The following SSH2 variants were observed in gnomAD, a reference collection of about 807,000 sequenced individuals.
SSH2 encodes slingshot protein phosphatase 2.
Under a neutral mutation model 135.2 loss-of-function variants are expected in SSH2, and 37 were observed. The ratio of observed to expected loss-of-function variants is 0.27; its 90% CI spans 0.21 to 0.36. The LOEUF (loss-of-function observed/expected upper bound fraction) is 0.36, where lower values mean the gene tolerates loss of function less well. SSH2 is among the 10% of genes least tolerant of loss of function. The probability of loss-of-function intolerance (pLI) is 1.00; values close to 1 mark genes in which losing one functional copy is unlikely to be tolerated. For missense variants in SSH2, 1,408 were observed against 1,765.3 expected (o/e 0.80, Z 3.63); for synonymous variants, 628 against 646.2 (o/e 0.97, Z 0.43).
chr17:29,676,542 C>A, intron 8 of SSH2: 2 of 324,936 alleles, frequency 6.2e-6, no homozygotes, highest in East Asian at 6.8e-5. Flanking sequence ...CCTAATAAAA[C>A]TCGGTATCAA....
At chr17:29,849,333 GCCGGGTGT>G (rs1241369775) in intron 1 of SSH2, among the ~76,000 whole-genome samples, 1 of 152,082 alleles carries the variant, frequency 6.6e-6, no homozygotes, top group African/African-American at 2.4e-5. Context: ...GAAAAAATTA[GCCGGGTGT>G]GGTGGCCGGT....
intron 1 of SSH2, among the ~76,000 whole-genome samples, chr17:29,894,524 AATACT>A (rs2066406773): frequency 6.6e-6 from 1 of 152,094 alleles, no homozygotes. Context: ...CTTCGATGTA[AATACT>A]ATGTAAATAG....
intron 3 of SSH2, among the ~76,000 whole-genome samples, chr17:29,743,271 G>A (rs903238168): frequency 1.3e-5 from 2 of 152,166 alleles, no homozygotes; most frequent in Admixed American, 1.3e-4. Context: ...TAATGGTAGA[G>A]AGTTCTTTTT....
At chr17:29,887,945 A>G (rs2066271976) in intron 1 of SSH2, among the ~76,000 whole-genome samples, 1 of 152,206 alleles carries the variant, frequency 6.6e-6, no homozygotes, top group Non-Finnish European at 1.5e-5. Flanking sequence ...TATGAAAGAA[A>G]CTATGCTGAG....
At chr17:29,927,470 T>C (rs1233792559) in intron 1 of SSH2, among the ~76,000 whole-genome samples, 8 of 152,306 alleles carry the variant, frequency 5.3e-5, no homozygotes, top group East Asian at 3.9e-4. Context: ...CATCCTATAG[T>C]GTAAAAGTAT....
chr17:29,690,297 C>G (rs1232931579), intron 5 of SSH2, among the ~76,000 whole-genome samples: 1 of 151,230 alleles, frequency 6.6e-6, no homozygotes, highest in Non-Finnish European at 1.5e-5. Flanking sequence ...CCCAGCTACT[C>G]AGGAGGCTGA....
intron 3 of SSH2, among the ~76,000 whole-genome samples, chr17:29,755,818 C>A (rs1271384189): frequency 2.6e-5 from 4 of 150,984 alleles, no homozygotes; most frequent in Non-Finnish European, 4.4e-5. Flanking sequence ...CCCGCCACCG[C>A]ACCCGGCTAA....
At chr17:29,716,265 T>C (rs1251373308) in intron 3 of SSH2, 4 of 352,634 alleles carry the variant, frequency 1.1e-5, no homozygotes, top group South Asian at 8.5e-5. Context: ...AAGTTCTTAT[T>C]TATTTATTTA....
intron 3 of SSH2, among the ~76,000 whole-genome samples, chr17:29,762,254 A>G (rs1598959430): frequency 2.0e-5 from 3 of 152,294 alleles, no homozygotes; most frequent in Admixed American, 2.0e-4. Flanking sequence ...GATAACATCT[A>G]CTAATGTTTG....
chr17:29,867,782 C>T (rs1016792620), intron 1 of SSH2, among the ~76,000 whole-genome samples: 1 of 152,140 alleles, frequency 6.6e-6, no homozygotes, highest in African/African-American at 2.4e-5. Flanking sequence ...AGCCTATTTC[C>T]TCGCAAGTAA....
rs190501781 is a variant in SSH2, at chr17:29,678,355, G to A, written c.480-614C>T. Among the ~76,000 whole-genome samples the A allele has an allele frequency of 2.2e-3, 331 of 152,236 alleles. 4 individuals carry two copies. Among genetic ancestry groups the A allele is most frequent in the Non-Finnish European group, 1.0e-3 (68 of 68,024 alleles). On this transcript the variant is annotated intron_variant, in intron 6 of 15. Transcript: ENST00000540801. ...CCCACCTCAGCCTCCCGAAGTGCTG[G>A]GATTACGGGCATGAGCCATGGTGCC...
chr17:29,650,469 G>T (rs955821292), intron 13 of SSH2, among the ~76,000 whole-genome samples, 185 bp downstream of exon 13: 2 of 152,090 alleles, frequency 1.3e-5, no homozygotes, highest in African/African-American at 4.8e-5. Flanking sequence ...TCTCCTAGGG[G>T]TTTACTTTAC....
rs571124019 is a variant in SSH2, at chr17:29,669,881, C to CTTT, written c.809+2051_809+2053dup. 3.4e-3 allele frequency among the ~76,000 whole-genome samples: 457 copies of CTTT among 133,014 alleles called. 5 individuals carry two copies. The highest frequency in any genetic ancestry group is 0.012 in the African/African-American group (424 of 36,318). 87.3% of individuals were successfully genotyped at this position (133,014 alleles called of 152,430 possible). A position where few individuals can be genotyped will look rare whatever the true frequency, so the allele number is the denominator to read the frequency against. ...GTATCAAAATCTTCTCTAATAAAAT[C>CTTT]TTTTTTTTTTTTTTTTTTGAGACTG... On this transcript the variant is annotated intron_variant, in intron 9 of 15. Transcript: ENST00000540801.
intron 3 of SSH2, among the ~76,000 whole-genome samples, chr17:29,704,531 A>G (rs1046343888): frequency 6.6e-6 from 1 of 152,046 alleles, no homozygotes; most frequent in African/African-American, 2.4e-5. Context: ...GTGAGACTCC[A>G]TCTCTGAAAA....
intron 2 of SSH2, among the ~76,000 whole-genome samples, chr17:29,795,976 C>G (rs752948380): frequency 2.6e-5 from 4 of 152,216 alleles, no homozygotes; most frequent in African/African-American, 4.8e-5. Context: ...CTCCTGAACT[C>G]AGGTGATCCA....
chr17:29,778,803 T>C lies in SSH2; in HGVS notation c.188+15091A>G, dbSNP rs953644091. Among the ~76,000 whole-genome samples the C allele has an allele frequency of 3.4e-5, 4 of 117,262 alleles. No individual in the cohort carries two copies. The East Asian group carries it at 7.5e-4, about 22-fold the overall frequency. 76.9% of individuals were successfully genotyped at this position (117,262 alleles called of 152,430 possible). On this transcript the variant is annotated intron_variant, in intron 3 of 15. Coordinates refer to ENST00000540801, the MANE Select transcript of SSH2 (RefSeq NM_001282129.2). ...GAGCTGAGATCATGCCACTGCACTC[T>C]AGCCTGGGTGACAGAGTGAGCCTCC...
At chr17:29,836,240 A>C (rs991762423) in intron 2 of SSH2, among the ~76,000 whole-genome samples, 3 of 152,148 alleles carry the variant, frequency 2.0e-5, no homozygotes, top group Non-Finnish European at 4.4e-5. Flanking sequence ...AATCCCTTAA[A>C]TATATCACCA....
intron 2 of SSH2, among the ~76,000 whole-genome samples, chr17:29,837,089 T>G (rs1254157514): frequency 6.6e-6 from 1 of 152,020 alleles, no homozygotes; most frequent in Non-Finnish European, 1.5e-5. Flanking sequence ...AAACCCATTC[T>G]CTACTAAAAA....
At chr17:29,715,897 C>T (rs2039606370) in intron 3 of SSH2, among the ~76,000 whole-genome samples, 1 of 152,130 alleles carries the variant, frequency 6.6e-6, no homozygotes, top group Non-Finnish European at 1.5e-5. Flanking sequence ...CTGGACAGCT[C>T]CCTCTCCTAC....
Sources: gnomAD v4.1 joint callset for allele counts (sites outside exome capture counted in the v4.1 genomes callset) on GRCh38, gnomAD v4.1.1 for gene constraint, MANE v1.5 for transcripts, NCBI Gene and HGNC (gene_info 2026-07-23, HGNC 2026-07-21) for gene names.